LRRTM4: variants seen among roughly 807,000 people sequenced by gnomAD.
LRRTM4 encodes leucine rich repeat transmembrane neuronal 4, also known as leucine-rich repeat transmembrane neuronal protein 4.
LRRTM4 carries 25 observed loss-of-function variants against 47.6 expected under a neutral mutation model. That is an observed-to-expected ratio of 0.53 (90% confidence interval 0.38 to 0.73). The LOEUF (loss-of-function observed/expected upper bound fraction) is 0.73, where lower values mean the gene tolerates loss of function less well. Ranked by LOEUF, LRRTM4 falls within the 30% of genes least tolerant of loss-of-function variation. The pLI is 0.00. For synonymous variants in LRRTM4, 311 were observed against 269.5 expected (o/e 1.15, Z -1.51); for missense variants, 638 against 713.4 (o/e 0.89, Z 1.20).
intron 3 of LRRTM4, among the ~76,000 whole-genome samples, chr2:76,909,131 G>A (rs1673957149): frequency 6.6e-6 from 1 of 152,106 alleles, no homozygotes; most frequent in African/African-American, 2.4e-5. Flanking sequence ...GCATGGCACT[G>A]GCACCAAAAC....
At chr2:76,942,674 A>ATG (rs750604219) in intron 3 of LRRTM4, among the ~76,000 whole-genome samples, 20 of 123,246 alleles carry the variant, frequency 1.6e-4, no homozygotes, top group African/African-American at 4.2e-4. Flanking sequence ...ACCTCTAGGA[A>ATG]TCTGTGTGTG....
At position 77,413,487 on chromosome 2, in the gene LRRTM4, C is replaced by T. The variant is rs183534946; in HGVS notation, c.1551+104831G>A. Among the ~76,000 whole-genome samples, 15 of 152,254 alleles carry T rather than the reference C, an allele frequency of 9.9e-5. No homozygotes were observed. The South Asian group carries it at 2.9e-3, about 29-fold the overall frequency. On this transcript the variant is annotated intron_variant, in intron 3 of 3. Coordinates refer to ENST00000409884, the MANE Select transcript of LRRTM4 (RefSeq NM_001134745.3). ...AGAGCTTTCTTTTGATCTTCTTGTT[C>T]TGAATGTAGTATTTGCCCTATTCTG... is the stretch of plus-strand genomic sequence containing the variant.
chr2:76,841,437 T>A (rs1423136303), intron 3 of LRRTM4, among the ~76,000 whole-genome samples: 1 of 151,608 alleles, frequency 6.6e-6, no homozygotes, highest in Non-Finnish European at 1.5e-5. Context: ...ATAATAAAAT[T>A]AAAAAAAATT....
chr2:76,802,199 A>C (rs1675733671), intron 3 of LRRTM4, among the ~76,000 whole-genome samples: 1 of 150,952 alleles, frequency 6.6e-6, no homozygotes, highest in South Asian at 2.1e-4. Flanking sequence ...TTGTCAGACG[A>C]CATGATCTTA....
At chr2:77,235,446 C>T (rs1285352534) in intron 3 of LRRTM4, among the ~76,000 whole-genome samples, 1 of 151,814 alleles carries the variant, frequency 6.6e-6, no homozygotes, top group Admixed American at 6.6e-5. Flanking sequence ...TTTTTTGATG[C>T]ATAGTTGTGA....
chr2:76,855,452 C>T (rs1672120861), intron 3 of LRRTM4, among the ~76,000 whole-genome samples: 1 of 152,232 alleles, frequency 6.6e-6, no homozygotes, highest in South Asian at 2.1e-4. Flanking sequence ...ATAATAGATT[C>T]ATATCAAACA....
intron 3 of LRRTM4, among the ~76,000 whole-genome samples, chr2:76,906,028 C>T (rs1243605719): frequency 6.6e-6 from 1 of 151,990 alleles, no homozygotes; most frequent in Non-Finnish European, 1.5e-5. Context: ...AAGAGCAACT[C>T]CAAGGCACAT....
intron 3 of LRRTM4, among the ~76,000 whole-genome samples, chr2:77,209,914 C>G (rs1055349284): frequency 6.6e-6 from 1 of 152,230 alleles, no homozygotes; most frequent in East Asian, 1.9e-4. Context: ...TTCTACAATT[C>G]TTGCTTTTTC....
intron 3 of LRRTM4, among the ~76,000 whole-genome samples, chr2:76,888,303 G>C (rs1215179549): frequency 1.3e-5 from 2 of 151,238 alleles, no homozygotes; most frequent in Admixed American, 1.3e-4. Flanking sequence ...ATGTAATTAA[G>C]ATTTAGTTGT....
chr2:77,451,975 T>C (rs761056024), intron 3 of LRRTM4, among the ~76,000 whole-genome samples: 4 of 152,282 alleles, frequency 2.6e-5, no homozygotes, highest in Non-Finnish European at 5.9e-5. Flanking sequence ...GGTAACTATT[T>C]ACAGGCTACA....
At chr2:77,184,002 C>T (rs896659578) in intron 3 of LRRTM4, among the ~76,000 whole-genome samples, 9 of 152,168 alleles carry the variant, frequency 5.9e-5, no homozygotes, top group African/African-American at 2.2e-4. Context: ...TTAATGGGTG[C>T]AGCACACCAA....
At chr2:77,173,632 G>A (rs1238231319) in intron 3 of LRRTM4, among the ~76,000 whole-genome samples, 2 of 152,094 alleles carry the variant, frequency 1.3e-5, no homozygotes, top group Non-Finnish European at 2.9e-5. Flanking sequence ...CTTCTTCTGT[G>A]ATATAAAACT....
chr2:77,134,719 G>A lies in LRRTM4; in HGVS notation c.1551+383599C>T, dbSNP rs537994832. Among the ~76,000 whole-genome samples, 194 of 152,110 alleles carry A rather than the reference G, an allele frequency of 1.3e-3. 1 individual carries two copies. The highest frequency in any genetic ancestry group is 4.3e-3 in the African/African-American group (178 of 41,496). On this transcript the variant is annotated intron_variant, in intron 3 of 3. Coordinates refer to ENST00000409884, the MANE Select transcript of LRRTM4 (RefSeq NM_001134745.3). ...ATCATGACTAAAAATACCATATCCT[G>A]AAATCTTACTGGAACAGAACCTGGA...
chr2:76,780,298 A>AC (rs1383928401), intron 3 of LRRTM4, among the ~76,000 whole-genome samples: 3 of 152,170 alleles, frequency 2.0e-5, no homozygotes, highest in African/African-American at 7.2e-5. Context: ...CTGAATCTGA[A>AC]CATTGGCTTG....
chr2:77,406,912 C>G (rs1674213760), intron 3 of LRRTM4, among the ~76,000 whole-genome samples: 1 of 152,062 alleles, frequency 6.6e-6, no homozygotes, highest in Admixed American at 6.6e-5. Flanking sequence ...TGGGAAATAA[C>G]TGGGGAAATA....
chr2:76,913,263 A>G (rs1251503619), intron 3 of LRRTM4, among the ~76,000 whole-genome samples: 3 of 151,628 alleles, frequency 2.0e-5, no homozygotes, highest in Non-Finnish European at 4.4e-5. Context: ...TTAGCAATAT[A>G]TTTTTCCTAT....
chr2:77,515,746 G>A (rs1186179923), intron 3 of LRRTM4, among the ~76,000 whole-genome samples: 1 of 151,748 alleles, frequency 6.6e-6, no homozygotes, highest in Non-Finnish European at 1.5e-5. Context: ...TTGTAAAGTT[G>A]GGCAAATCGC....
At chr2:77,156,054 AAGAG>A (rs1672551380) in intron 3 of LRRTM4, among the ~76,000 whole-genome samples, 1 of 152,132 alleles carries the variant, frequency 6.6e-6, no homozygotes, top group African/African-American at 2.4e-5. Flanking sequence ...AAAAAATTAA[AAGAG>A]AAAGATATAG....
intron 3 of LRRTM4, among the ~76,000 whole-genome samples, chr2:77,372,782 T>A (rs372564492): frequency 6.3e-4 from 95 of 151,786 alleles, no homozygotes; most frequent in African/African-American, 2.2e-3. Flanking sequence ...AATAACTGTG[T>A]GTGTTTGGTC....
Sources: gnomAD v4.1 joint callset for allele counts (sites outside exome capture counted in the v4.1 genomes callset) on GRCh38, gnomAD v4.1.1 for gene constraint, MANE v1.5 for transcripts, NCBI Gene and HGNC (gene_info 2026-07-23, HGNC 2026-07-21) for gene names.